Variants in WDPCP observed in about 807,000 individuals in gnomAD.
The protein encoded by WDPCP is WD repeat containing planar cell polarity effector, also known as WD repeat-containing and planar cell polarity effector protein fritz homolog.
Under a neutral mutation model 93.1 loss-of-function variants are expected in WDPCP, and 71 were observed. That is an observed-to-expected ratio of 0.76 (90% CI 0.63 to 0.93). WDPCP has a LOEUF of 0.93. Ranked by LOEUF, WDPCP falls within the 40% of genes least tolerant of loss-of-function variation. WDPCP has a pLI of 0.00. For synonymous variants in WDPCP, 315 were observed against 315.0 expected (o/e 1.00, Z 0.00); for missense variants, 844 against 887.4 (o/e 0.95, Z 0.62).
At position 63,815,645 on chromosome 2, in the gene WDPCP, G is replaced by C. The variant is rs1007107847; in HGVS notation, n.223-1938C>G. ...AGAGTCTCCACACCACGGACCAGTAGTATAGTTGGCCTATCAGAATCTAAG... is the reference window on the plus strand; with the variant it reads ...AGAGTCTCCACACCACGGACCAGTACTATAGTTGGCCTATCAGAATCTAAG... On this transcript the variant is annotated intron_variant and non_coding_transcript_variant, in intron 1 of 4. Coordinates refer to the WDPCP transcript ENST00000467687. 1.8e-4 allele frequency among the ~76,000 whole-genome samples: 27 copies of C among 152,196 alleles called. 1 individual carries two copies. Among genetic ancestry groups the C allele is most frequent in the Admixed American group, 1.6e-3 (25 of 15,272 alleles).
At chr2:63,577,315 T>G (rs960699170) in intron 1 of WDPCP, among the ~76,000 whole-genome samples, 6 of 152,192 alleles carry the variant, frequency 3.9e-5, no homozygotes, top group African/African-American at 9.7e-5. Flanking sequence ...TCAACACCCT[T>G]AACAATTCAC....
intron 10 of WDPCP, among the ~76,000 whole-genome samples, chr2:63,400,070 A>G (rs1055347172): frequency 8.1e-6 from 1 of 124,110 alleles, no homozygotes; most frequent in African/African-American, 2.9e-5. Flanking sequence ...TTTAAAATGT[A>G]TTTACCTATG....
chr2:63,568,878 A>G (rs1285190618), intron 1 of WDPCP, among the ~76,000 whole-genome samples: 1 of 152,234 alleles, frequency 6.6e-6, no homozygotes, highest in Non-Finnish European at 1.5e-5. Flanking sequence ...AGAGCTAACA[A>G]CATAAAGTAC....
chr2:63,691,686 C>T (rs1293300607), intron 2 of WDPCP, among the ~76,000 whole-genome samples: 1 of 151,922 alleles, frequency 6.6e-6, no homozygotes, highest in Non-Finnish European at 1.5e-5. Context: ...TAATGGGTAA[C>T]TGAAACCAGC....
At chr2:63,597,479 G>A in intron 3 of WDPCP, 1 of 1,520,284 alleles carries the variant, frequency 6.6e-7, no homozygotes, top group Non-Finnish European at 8.9e-7. Flanking sequence ...GCCAAGAAGG[G>A]AAGGCATGGA....
chr2:63,800,810 T>A (rs1176192571), intron 2 of WDPCP, among the ~76,000 whole-genome samples: 3 of 152,136 alleles, frequency 2.0e-5, no homozygotes, highest in Non-Finnish European at 2.9e-5. Flanking sequence ...CCAAGCACTT[T>A]GGGAGGGCTG....
At chr2:63,366,054 T>C (rs1179884609) in intron 12 of WDPCP, among the ~76,000 whole-genome samples, 1 of 152,174 alleles carries the variant, frequency 6.6e-6, no homozygotes, top group Non-Finnish European at 1.5e-5. Context: ...TAGAATCTCA[T>C]GTTGGAAAGA....
chr2:63,525,658 T>G (rs1188273366), intron 1 of WDPCP, among the ~76,000 whole-genome samples: 1 of 152,198 alleles, frequency 6.6e-6, no homozygotes, highest in East Asian at 1.9e-4. Context: ...AAGGTCTAAG[T>G]TGATGAGTAC....
chr2:63,173,538 G>A (rs995201044), intron 15 of WDPCP, among the ~76,000 whole-genome samples: 3 of 152,182 alleles, frequency 2.0e-5, no homozygotes, highest in Non-Finnish European at 2.9e-5. Flanking sequence ...TACCATGGTA[G>A]AATTAGTTTG....
chr2:63,310,477 A>C (rs2103909269), intron 13 of WDPCP, among the ~76,000 whole-genome samples: 1 of 152,208 alleles, frequency 6.6e-6, no homozygotes, highest in Non-Finnish European at 1.5e-5. Flanking sequence ...GCAAACTGTG[A>C]CCTGCCATCC....
intron 15 of WDPCP, among the ~76,000 whole-genome samples, chr2:63,159,071 G>C (rs781308829): frequency 4.0e-5 from 6 of 150,534 alleles, no homozygotes; most frequent in Non-Finnish European, 8.9e-5. Context: ...CAGGAGGATC[G>C]CTTGAGCCCA....
chr2:63,538,188 C>T (rs1199680507), intron 1 of WDPCP, among the ~76,000 whole-genome samples: 1 of 151,780 alleles, frequency 6.6e-6, no homozygotes, highest in African/African-American at 2.4e-5. Flanking sequence ...TGCCTTTAAA[C>T]AAATAAAAGA....
At chr2:63,358,221 T>C (rs1338506187) in intron 12 of WDPCP, among the ~76,000 whole-genome samples, 7 of 152,124 alleles carry the variant, frequency 4.6e-5, no homozygotes, top group Admixed American at 2.0e-4. Context: ...CACATGTATC[T>C]CTGAACCTAA....
intron 10 of WDPCP, among the ~76,000 whole-genome samples, chr2:63,382,450 AC>A (rs1468325322): frequency 1.3e-5 from 2 of 152,018 alleles, no homozygotes; most frequent in Non-Finnish European, 2.9e-5. Context: ...AGCAAAAAAA[AC>A]CAAGGTTTTT....
chr2:63,196,317 A>T (rs570858163), intron 14 of WDPCP, among the ~76,000 whole-genome samples: 2 of 152,336 alleles, frequency 1.3e-5, no homozygotes, highest in Admixed American at 1.3e-4. Context: ...AAATGAATCC[A>T]GCATGAGGAC....
intron 2 of WDPCP, among the ~76,000 whole-genome samples, chr2:63,679,588 T>G (rs1227636581): frequency 6.6e-6 from 1 of 152,136 alleles, no homozygotes; most frequent in East Asian, 1.9e-4. Flanking sequence ...ATAAACCATC[T>G]CCTTTTGAGG....
chr2:63,345,232 A>G (rs116998321), intron 12 of WDPCP, among the ~76,000 whole-genome samples: 3,052 of 152,204 alleles, frequency 0.02, 52 homozygotes, highest in East Asian at 0.036. Context: ...GAAGTTTATC[A>G]CTGTATTTTC....
At chr2:63,535,673 A>G (rs1289255353) in intron 1 of WDPCP, among the ~76,000 whole-genome samples, 1 of 152,230 alleles carries the variant, frequency 6.6e-6, no homozygotes, top group Non-Finnish European at 1.5e-5. Context: ...AGAAAGCTGA[A>G]ACTGGATCCC....
rs569710363 is a variant in WDPCP at position 63,464,996 on chromosome 2, C to T, written c.384+19608G>A. On this transcript the variant is annotated intron_variant, in intron 6 of 17. Transcript: ENST00000272321. ...ATGTGAATATACTTAACACACTGAA[C>T]TGTACACTTAAAGATGGGCAATTGT... Among the ~76,000 whole-genome samples the T allele has an allele frequency of 1.2e-3, 189 of 152,002 alleles. 2 individuals carry two copies. The South Asian group carries it at 0.018, about 15-fold the overall frequency.
Sources: allele counts gnomAD v4.1 joint callset (sites outside exome capture counted in the v4.1 genomes callset), GRCh38; gene constraint gnomAD v4.1.1; transcripts MANE v1.5; gene names NCBI Gene and HGNC (gene_info 2026-07-23, HGNC 2026-07-21).